Variants in SNTG1 observed in about 807,000 individuals in gnomAD.
The protein encoded by SNTG1 is syntrophin gamma 1.
Under a neutral mutation model 74.7 loss-of-function variants are expected in SNTG1, and 39 were observed. That is an observed-to-expected ratio of 0.52 (90% CI 0.40 to 0.68). The LOEUF (loss-of-function observed/expected upper bound fraction) is 0.68, where lower values mean the gene tolerates loss of function less well. Among genes scored for constraint, SNTG1 ranks in the 30% least tolerant of loss-of-function variants. The probability of loss-of-function intolerance (pLI) is 0.00; values close to 1 mark genes in which losing one functional copy is unlikely to be tolerated. For synonymous variants in SNTG1, 254 were observed against 217.1 expected (o/e 1.17, Z -1.49); for missense variants, 685 against 609.5 (o/e 1.12, Z -1.30).
chr8:50,158,781 A>T (rs1453103881), intron 1 of SNTG1, among the ~76,000 whole-genome samples: 1 of 152,148 alleles, frequency 6.6e-6, no homozygotes, highest in Non-Finnish European at 1.5e-5. Flanking sequence ...GTGAACAGAC[A>T]TTCTGGTAGG....
At chr8:50,087,000 A>G (rs1362658919) in intron 1 of SNTG1, among the ~76,000 whole-genome samples, 1 of 152,150 alleles carries the variant, frequency 6.6e-6, no homozygotes, top group African/African-American at 2.4e-5. Flanking sequence ...AGGCAAGGTC[A>G]TTGTTCTTTT....
intron 1 of SNTG1, among the ~76,000 whole-genome samples, chr8:50,030,823 A>G (rs907970426): frequency 4.0e-5 from 6 of 151,766 alleles, no homozygotes; most frequent in African/African-American, 1.2e-4. Context: ...CTATTCTTAA[A>G]TCATTGCCTG....
chr8:50,760,324 A>G (rs1348597897), intron 18 of SNTG1, among the ~76,000 whole-genome samples: 1 of 152,038 alleles, frequency 6.6e-6, no homozygotes, highest in African/African-American at 2.4e-5. Flanking sequence ...TCCTATTTGA[A>G]TACCCTTTAT....
At chr8:50,343,561 T>A (rs937672983) in intron 2 of SNTG1, among the ~76,000 whole-genome samples, 45 of 152,150 alleles carry the variant, frequency 3.0e-4, no homozygotes, top group Non-Finnish European at 1.3e-4. Flanking sequence ...ATATTAATGA[T>A]GTATTGGATT....
rs143547684 is a variant in SNTG1, at chr8:50,203,917, A to G, written c.-28+31282A>G. 3.3e-3 allele frequency among the ~76,000 whole-genome samples: 502 copies of G among 152,196 alleles called. 4 individuals carry two copies. The highest frequency in any genetic ancestry group is 0.011 in the African/African-American group (439 of 41,554). On this transcript the variant is annotated intron_variant, in intron 2 of 18. Transcript: ENST00000642720. Reference sequence around the variant, plus strand: ...TCAATGCATTTTTTGTAGCAAATCTATATTTTTTCAACCTAAAAGTTATGT... The same window carrying G: ...TCAATGCATTTTTTGTAGCAAATCTGTATTTTTTCAACCTAAAAGTTATGT...
chr8:50,536,528 C>A (rs887310964), intron 10 of SNTG1, 150 bp from the exon 11 acceptor site: 1 of 843,340 alleles, frequency 1.2e-6, no homozygotes, highest in Non-Finnish European at 1.9e-6. Context: ...ACTTTAGTGT[C>A]CATAATTTGG....
In SNTG1 at chr8:49,984,987, A is replaced by G. The variant is rs1005623267; in HGVS notation, c.-103+72756A>G. Among the ~76,000 whole-genome samples, 73 of 152,024 alleles carry G rather than the reference A, an allele frequency of 4.8e-4. 1 individual carries two copies. The highest frequency in any genetic ancestry group is 1.7e-3 in the African/African-American group (72 of 41,398). On this transcript the variant is annotated intron_variant, in intron 1 of 18. Coordinates refer to ENST00000642720, the MANE Select transcript of SNTG1 (RefSeq NM_018967.5). ...ATTTCCAGAAGGAAAATTGTCTGAA[A>G]GTTGTTTTTGGTTGAATTCTAATTA...
At chr8:50,021,606 C>T (rs1052837497) in intron 1 of SNTG1, among the ~76,000 whole-genome samples, 7 of 152,086 alleles carry the variant, frequency 4.6e-5, no homozygotes, top group African/African-American at 1.7e-4. Context: ...TATGTGGTTT[C>T]ATGATCACAA....
intron 17 of SNTG1, among the ~76,000 whole-genome samples, chr8:50,719,881 T>C (rs2095483605): frequency 6.6e-6 from 1 of 152,220 alleles, no homozygotes; most frequent in African/African-American, 2.4e-5. Context: ...CTTAATAGAT[T>C]TCAAATAAAT....
At chr8:50,759,968 A>C (rs190646224) in intron 18 of SNTG1, among the ~76,000 whole-genome samples, 1 of 152,176 alleles carries the variant, frequency 6.6e-6, no homozygotes, top group Admixed American at 6.5e-5. Flanking sequence ...GATTTTTTCT[A>C]TCCATGAGCA....
chr8:50,779,270 T>A (rs1048826797), intron 18 of SNTG1, among the ~76,000 whole-genome samples: 1 of 152,226 alleles, frequency 6.6e-6, no homozygotes, highest in Non-Finnish European at 1.5e-5. Flanking sequence ...GGGGATGGCA[T>A]TGAATCTATA....
Position 50,557,240 on chromosome 8 carries a change from A to G in SNTG1, c.810+4061A>G, listed in dbSNP as rs188366901. ...GAAAACCAAAAAAAAAAAAAAAAAC[A>G]GGATGAAGACCCAGCTATGCCACAT... On this transcript the variant is annotated intron_variant, in intron 12 of 18. Coordinates refer to ENST00000642720, the MANE Select transcript of SNTG1 (RefSeq NM_018967.5). Among the ~76,000 whole-genome samples, 661 of 150,644 alleles carry G rather than the reference A, an allele frequency of 4.4e-3. 5 individuals carry two copies. The highest frequency in any genetic ancestry group is 0.015 in the African/African-American group (612 of 40,864).
intron 2 of SNTG1, among the ~76,000 whole-genome samples, chr8:50,385,382 C>A (rs1008151774): frequency 2.0e-5 from 3 of 152,190 alleles, no homozygotes; most frequent in Non-Finnish European, 2.9e-5. Flanking sequence ...CTATTCTTTA[C>A]CTTAGAAGGG....
chr8:50,329,980 G>T (rs1402555007), intron 2 of SNTG1, among the ~76,000 whole-genome samples: 6 of 152,192 alleles, frequency 3.9e-5, no homozygotes, highest in African/African-American at 1.4e-4. Context: ...AGCACAGCAA[G>T]AGTGACATTT....
chr8:50,119,831 T>A (rs1445786726), intron 1 of SNTG1, among the ~76,000 whole-genome samples: 1 of 142,084 alleles, frequency 7.0e-6, no homozygotes, highest in Non-Finnish European at 1.6e-5. Flanking sequence ...CCAGAATTAA[T>A]ACGCTAGAAT....
At chr8:50,051,239 G>GACACACGC (rs1554559608) in intron 1 of SNTG1, among the ~76,000 whole-genome samples, 1 of 147,116 alleles carries the variant, frequency 6.8e-6, no homozygotes, top group Non-Finnish European at 1.5e-5. Flanking sequence ...AGAAAATCTT[G>GACACACGC]ACACACACAC....
intron 15 of SNTG1, among the ~76,000 whole-genome samples, chr8:50,684,154 A>AT (rs1201254527): frequency 1.3e-5 from 2 of 152,162 alleles, no homozygotes; most frequent in Non-Finnish European, 2.9e-5. Flanking sequence ...TGACCCTCTG[A>AT]TATCCCCACT....
chr8:50,344,309 T>G (rs891281854), intron 2 of SNTG1, among the ~76,000 whole-genome samples: 1 of 152,104 alleles, frequency 6.6e-6, no homozygotes, highest in Non-Finnish European at 1.5e-5. Context: ...ACGAGAAGAT[T>G]TATTTAGCTC....
intron 2 of SNTG1, among the ~76,000 whole-genome samples, chr8:50,246,032 T>A (rs2086383682): frequency 6.6e-6 from 1 of 151,664 alleles, no homozygotes; most frequent in Admixed American, 6.6e-5. Context: ...ATTTTGTAAT[T>A]AAAGAAAAAC....
Sources: gnomAD v4.1 joint callset for allele counts (sites outside exome capture counted in the v4.1 genomes callset) on GRCh38, gnomAD v4.1.1 for gene constraint, MANE v1.5 for transcripts, NCBI Gene and HGNC (gene_info 2026-07-23, HGNC 2026-07-21) for gene names.